The following DNAAF9 variants were observed in gnomAD, a reference collection of about 807,000 sequenced individuals.
The protein encoded by DNAAF9 is shulin.
Under a neutral mutation model 167.0 loss-of-function variants are expected in DNAAF9, and 90 were observed. The ratio of observed to expected loss-of-function variants is 0.54; its 90% CI spans 0.45 to 0.64. The LOEUF is 0.64. DNAAF9 is among the 30% of genes least tolerant of loss of function. The pLI, the probability that DNAAF9 is intolerant of heterozygous loss-of-function variation, is 0.00. For synonymous variants in DNAAF9, 491 were observed against 508.8 expected, an observed-to-expected ratio of 0.96 and a Z score of 0.47; for missense variants, 1,315 against 1,442.2, an observed-to-expected ratio of 0.91 and a Z score of 1.43.
chr20:3,318,246 AAAAAG>A, intron 17 of DNAAF9, 38 bp downstream of exon 17: 1 of 925,846 alleles, frequency 1.1e-6, no homozygotes. Flanking sequence ...AAAAAAAAAA[AAAAAG>A]GCTTAAGGTT....
chr20:3,295,235 C>T (rs1004262080), intron 23 of DNAAF9, among the ~76,000 whole-genome samples: 7 of 151,722 alleles, frequency 4.6e-5, no homozygotes, highest in Non-Finnish European at 1.0e-4. Context: ...TGCAGTGGCA[C>T]GATCTCGGCT....
At chr20:3,292,301 A>ACAT (rs1435897172) in intron 25 of DNAAF9, among the ~76,000 whole-genome samples, 27 of 152,130 alleles carry the variant, frequency 1.8e-4, no homozygotes, top group African/African-American at 6.3e-4. Flanking sequence ...CGCCTGGGCG[A>ACAT]GCACCTTTTA....
intron 7 of DNAAF9, among the ~76,000 whole-genome samples, chr20:3,352,885 T>TTA (rs59930160): frequency 0.034 from 5,102 of 148,870 alleles, 137 homozygotes; most frequent in African/African-American, 0.071. Flanking sequence ...TATTTACATG[T>TTA]TATATATATA....
intron 8 of DNAAF9, 123 bp from the exon 9 acceptor site, chr20:3,343,854 TGTGTGC>T: frequency 7.8e-6 from 5 of 641,240 alleles, no homozygotes; most frequent in Non-Finnish European, 5.5e-6. Flanking sequence ...TGTGTGTGTG[TGTGTGC>T]GTGTGTGCAT....
Position 3,264,498 on chromosome 20 carries a change from G to T in DNAAF9, c.2813C>A (p.Ser938Ter). 2 of 1,550,112 alleles carry T rather than the reference G, an allele frequency of 1.3e-6. No homozygotes were observed. The highest frequency in any genetic ancestry group is 1.8e-6 in the Non-Finnish European group (2 of 1,121,720). Residue 938 changes from serine (S) to a stop codon, truncating the protein, a stop_gained, in exon 31 of 37, where the codon TCA (serine) becomes TAA (stop). Coordinates refer to ENST00000252032, the MANE Select transcript of DNAAF9 (RefSeq NM_001009984.3). LOFTEE classifies it high-confidence loss of function. The stretch of plus-strand genomic sequence containing the variant: ...CTCAGGACTTGAAAAACTGTTTTCT[G>T]AGAGAATCAGCTCAATGTCTTCATT... ...TRNEDIELIL[S>*]ENSFSSPEML...
At chr20:3,326,365 C>T (rs1043422928) in intron 12 of DNAAF9, 81 bp from the exon 13 acceptor site, 5 of 909,974 alleles carry the variant, frequency 5.5e-6, no homozygotes, top group Non-Finnish European at 8.8e-6. Context: ...AATGACAGCC[C>T]CTAAGAAACT....
intron 31 of DNAAF9, 152 bp downstream of exon 31, chr20:3,264,286 G>T: frequency 1.6e-6 from 1 of 608,558 alleles, no homozygotes. Context: ...AAGGCCAGCA[G>T]CTGCCGGACA....
chr20:3,279,225 G>C (rs1192355860), intron 28 of DNAAF9, among the ~76,000 whole-genome samples: 2 of 152,196 alleles, frequency 1.3e-5, no homozygotes, highest in Non-Finnish European at 2.9e-5. Flanking sequence ...TTGGTCTATG[G>C]GAGATGGAGA....
chr20:3,332,304 C>CA lies in DNAAF9; in HGVS notation c.1038dup (p.Gly347TrpfsTer11). 6.2e-7 allele frequency: 1 copy of CA among 1,602,012 alleles called. No homozygotes were observed. The highest frequency in any genetic ancestry group is 8.6e-7 in the Non-Finnish European group (1 of 1,169,440). On this transcript the variant is annotated frameshift_variant, in exon 11 of 37. Transcript: ENST00000252032. LOFTEE classifies it high-confidence loss of function. Reference sequence around the variant, plus strand: ...CCCAAGTAAGGAACATGAGTAGCTCCAAAAAAGTATGTTCTCGAACAAGCA... The same window carrying CA: ...CCCAAGTAAGGAACATGAGTAGCTCCAAAAAAAGTATGTTCTCGAACAAGCA...
At chr20:3,312,685 A>G (rs886417982) in intron 20 of DNAAF9, among the ~76,000 whole-genome samples, 3 of 152,168 alleles carry the variant, frequency 2.0e-5, no homozygotes, top group African/African-American at 7.2e-5. Flanking sequence ...AGGCTCTAAG[A>G]AGAGCCCTAA....
chr20:3,269,702 C>T (rs1324002766), intron 30 of DNAAF9, among the ~76,000 whole-genome samples: 3 of 152,242 alleles, frequency 2.0e-5, no homozygotes, highest in Non-Finnish European at 4.4e-5. Context: ...CGCCTGTAAT[C>T]CCAGCACTTT....
chr20:3,375,102 C>T lies in DNAAF9; in HGVS notation c.433G>A (p.Glu145Lys), dbSNP rs2083558142. The T allele has an allele frequency of 6.2e-7, 1 of 1,608,636 alleles. No homozygotes were observed. Among genetic ancestry groups the T allele is most frequent in the Non-Finnish European group, 8.5e-7 (1 of 1,175,122 alleles). The change falls in exon 5 of 37, where the codon GAA becomes AAA. Residue 145 changes from glutamate to lysine, a missense_variant. Around this residue, in one of 2 missense-constraint regions of DNAAF9, gnomAD observed 981 missense variants for 1,012.5 expected, o/e 0.97. Transcript: ENST00000252032. Reference sequence around the variant, plus strand: ...TCCACAAAGCTGGTAATTTTAAATTCTTCTGCGGCTTCTTCATCTTCATAC... The same window carrying T: ...TCCACAAAGCTGGTAATTTTAAATTTTTCTGCGGCTTCTTCATCTTCATAC... Reference protein sequence around the residue: ...NEYEDEEAAEEFKITSFVDMV... With the variant: ...NEYEDEEAAEKFKITSFVDMV...
chr20:3,316,344 C>T (rs6107277), intron 18 of DNAAF9, among the ~76,000 whole-genome samples: 1 of 152,120 alleles, frequency 6.6e-6, no homozygotes, highest in Non-Finnish European at 1.5e-5. Flanking sequence ...GTAAAAACTC[C>T]GTAGCAACCA....
At chr20:3,259,216 A>T (rs2068335417) in intron 33 of DNAAF9, among the ~76,000 whole-genome samples, 1 of 152,218 alleles carries the variant, frequency 6.6e-6, no homozygotes, top group South Asian at 2.1e-4. Context: ...GAAGGTCAAA[A>T]AGCTGTGAGA....
intron 1 of DNAAF9, among the ~76,000 whole-genome samples, chr20:3,388,965 C>CTTGTT (rs1290987354): frequency 6.6e-6 from 1 of 151,870 alleles, no homozygotes; most frequent in Non-Finnish European, 1.5e-5. Flanking sequence ...GTGTATTTTT[C>CTTGTT]TTGTTTTGTT....
At chr20:3,318,138 T>G (rs768176470) in intron 17 of DNAAF9, 151 bp downstream of exon 17, 1 of 358,112 alleles carries the variant, frequency 2.8e-6, no homozygotes, top group Admixed American at 4.2e-5. Context: ...GGTCTCACTG[T>G]GTCACTGAGG....
At chr20:3,383,471 T>C (rs2083691631) in intron 1 of DNAAF9, among the ~76,000 whole-genome samples, 1 of 152,056 alleles carries the variant, frequency 6.6e-6, no homozygotes, top group Admixed American at 6.6e-5. Flanking sequence ...TTTTGCCATG[T>C]TGGCCAGGCT....
intron 7 of DNAAF9, among the ~76,000 whole-genome samples, chr20:3,357,968 G>A (rs1449847398): frequency 3.9e-5 from 6 of 151,948 alleles, no homozygotes; most frequent in South Asian, 2.1e-4. Flanking sequence ...TATGATCACC[G>A]CTGCACTCCA....
chr20:3,288,791 C>T (rs1004398185), intron 26 of DNAAF9, among the ~76,000 whole-genome samples: 4 of 152,150 alleles, frequency 2.6e-5, no homozygotes, highest in African/African-American at 9.7e-5. Context: ...CCTGATTTCA[C>T]CTGGGCCAAC....
Sources: gnomAD v4.1 joint callset for allele counts (sites outside exome capture counted in the v4.1 genomes callset) on GRCh38, gnomAD v4.1.1 for gene constraint, gnomAD v4.1.1 regional missense constraint, MANE v1.5 for transcripts, NCBI Gene and HGNC (gene_info 2026-07-23, HGNC 2026-07-21) for gene names.